Variants in AGAP1 observed in about 807,000 individuals in gnomAD.
The protein encoded by AGAP1 is ArfGAP with GTPase domain, ankyrin repeat and PH domain 1, also known as arf-GAP with GTPase, ANK repeat and PH domain-containing protein 1.
A neutral mutation model predicts 105.3 loss-of-function variants in AGAP1; 29 were observed. The observed-to-expected ratio is 0.28, with a 90% CI of 0.21 to 0.38. AGAP1 has a LOEUF of 0.38. Among genes scored for constraint, AGAP1 ranks in the 10% least tolerant of loss-of-function variants. The probability of loss-of-function intolerance (pLI) is 1.00; values close to 1 mark genes in which losing one functional copy is unlikely to be tolerated. For synonymous variants in AGAP1, 509 were observed against 485.9 expected (o/e 1.05, Z -0.63); for missense variants, 998 against 1,165.1 (o/e 0.86, Z 2.09).
At chr2:235,511,228 A>G (rs1180268936) in intron 1 of AGAP1, among the ~76,000 whole-genome samples, 1 of 150,686 alleles carries the variant, frequency 6.6e-6, no homozygotes, top group Non-Finnish European at 1.5e-5. Flanking sequence ...TGACCCCCTC[A>G]GCCTCTGATC....
chr2:236,076,953 C>T lies in AGAP1; in HGVS notation c.2114+27672C>T. Among the ~76,000 whole-genome samples the T allele has an allele frequency of 7.3e-6, 1 of 137,194 alleles. No individual in the cohort carries two copies. The highest frequency in any genetic ancestry group is 7.3e-5 in the Admixed American group (1 of 13,720). 90.0% of individuals were successfully genotyped at this position (137,194 alleles called of 152,430 possible). A position where few individuals can be genotyped will look rare whatever the true frequency, so the allele number is the denominator to read the frequency against. On this transcript the variant is annotated intron_variant, in intron 16 of 17. Transcript: ENST00000304032. The surrounding 1 kb of genome is among the most constrained non-coding windows in gnomAD (Gnocchi z 4.4). The stretch of plus-strand genomic sequence containing the variant: ...AAACCCTGTCACTACAGAAAATACC[C>T]AAAAAAAAAAAGCCAGGCATGGTGG...
intron 9 of AGAP1, among the ~76,000 whole-genome samples, chr2:235,849,258 G>T (rs182414550): frequency 1.6e-3 from 251 of 152,314 alleles, no homozygotes; most frequent in Non-Finnish European, 3.0e-3. Context: ...GGTCCAACTC[G>T]TGAAGGATTT....
In AGAP1 at chr2:235,611,065, G is replaced by A. The variant is rs930000305; in HGVS notation, c.164-98114G>A. ...CGCCTGCCTGCAACCCCATAGCCGA[G>A]TCAGCTCCCTGGATGGGCTAGTGTG... On this transcript the variant is annotated intron_variant, in intron 1 of 17. Transcript: ENST00000304032. This position sits in a 1 kb window ranked among gnomAD's most constrained non-coding sequence, Gnocchi z 5.0. Among the ~76,000 whole-genome samples the A allele has an allele frequency of 3.9e-5, 6 of 152,164 alleles. No homozygotes were observed. Among genetic ancestry groups the A allele is most frequent in the African/African-American group, 1.4e-4 (6 of 41,424 alleles).
chr2:235,988,772 A>G lies in AGAP1; in HGVS notation c.1645+20149A>G, dbSNP rs2055430258. The stretch of plus-strand genomic sequence containing the variant: ...TTGCACTTCAGAATCGGTGATGCGC[A>G]CTCATTCCCCTGCACCCACCCTTTT... On this transcript the variant is annotated intron_variant, in intron 13 of 17. Coordinates refer to ENST00000304032, the MANE Select transcript of AGAP1 (RefSeq NM_001037131.3). The surrounding 1 kb of genome is among the most constrained non-coding windows in gnomAD (Gnocchi z 4.7). 6.6e-6 allele frequency among the ~76,000 whole-genome samples: 1 copy of G among 152,062 alleles called. No individual in the cohort carries two copies. Among genetic ancestry groups the G allele is most frequent in the South Asian group, 2.1e-4 (1 of 4,810 alleles).
At position 235,711,142 on chromosome 2, in the gene AGAP1, C is replaced by T. The variant is rs768064762; in HGVS notation, c.222+1905C>T. Among the ~76,000 whole-genome samples, 12 of 152,354 alleles carry T rather than the reference C, an allele frequency of 7.9e-5. No homozygotes were observed. In the South Asian group the frequency reaches 1.9e-3, roughly 24 times the overall value. ...CTCCTGCGTCTGCACTGCCCAGTGC[C>T]GTCACGGCTGGCGCCATGTGGCTGT... On this transcript the variant is annotated intron_variant, in intron 2 of 17. Coordinates refer to ENST00000304032, the MANE Select transcript of AGAP1 (RefSeq NM_001037131.3).
In AGAP1 at chr2:236,027,624, C is replaced by G. The variant is rs1228402275; in HGVS notation, c.1646-8937C>G. ...CACAGCCTGCCTGGGAGAGGCCAGC[C>G]CAGGGTCAGCAGCGCCATTGCCTCT... is the stretch of plus-strand genomic sequence containing the variant. On this transcript the variant is annotated intron_variant, in intron 13 of 17. Coordinates refer to ENST00000304032, the MANE Select transcript of AGAP1 (RefSeq NM_001037131.3). This position sits in a 1 kb window ranked among gnomAD's most constrained non-coding sequence, Gnocchi z 4.4. Among the ~76,000 whole-genome samples, 1 of 152,116 alleles carries G rather than the reference C, an allele frequency of 6.6e-6. No individual in the cohort carries two copies. The highest frequency in any genetic ancestry group is 1.5e-5 in the Non-Finnish European group (1 of 68,020).
intron 1 of AGAP1, among the ~76,000 whole-genome samples, chr2:235,589,495 C>T (rs936777933): frequency 7.9e-5 from 12 of 152,224 alleles, no homozygotes; most frequent in African/African-American, 2.9e-4. Flanking sequence ...GCATGAGCCA[C>T]CGCGCCAGTG....
At position 235,512,623 on chromosome 2, in the gene AGAP1, A is replaced by G. The variant is rs139482429; in HGVS notation, c.163+17774A>G. Among the ~76,000 whole-genome samples the G allele has an allele frequency of 9.6e-4, 146 of 152,072 alleles. 2 individuals are homozygous for G. Among genetic ancestry groups the G allele is most frequent in the African/African-American group, 3.3e-3 (138 of 41,488 alleles). On this transcript the variant is annotated intron_variant, in intron 1 of 17. Coordinates refer to ENST00000304032, the MANE Select transcript of AGAP1 (RefSeq NM_001037131.3). ...AATCAGTCAATCAATCAATCAGTCA[A>G]TCCATGCGCGTCCTCCCCCATTCCT...
intron 9 of AGAP1, among the ~76,000 whole-genome samples, chr2:235,816,792 G>A (rs1414647937): frequency 6.6e-6 from 1 of 151,880 alleles, no homozygotes; most frequent in African/African-American, 2.4e-5. Context: ...CTGGGAAGCC[G>A]AGGCATGAGA....
intron 10 of AGAP1, among the ~76,000 whole-genome samples, chr2:235,894,633 G>GCACGTGTACACACACA (rs144532116): frequency 2.0e-5 from 3 of 147,042 alleles, no homozygotes; most frequent in East Asian, 1.9e-4. Context: ...ACATGCACAT[G>GCACGTGTACACACACA]TACACACACA....
intron 6 of AGAP1, among the ~76,000 whole-genome samples, chr2:235,776,629 C>A (rs909868571): frequency 6.6e-6 from 1 of 152,178 alleles, no homozygotes. Flanking sequence ...TGTGGCACCA[C>A]CTGTCCCAGT....
intron 3 of AGAP1, among the ~76,000 whole-genome samples, chr2:235,718,111 A>G (rs1488696828): frequency 6.6e-6 from 1 of 152,214 alleles, no homozygotes; most frequent in African/African-American, 2.4e-5. Context: ...ATAAACATTT[A>G]ATAATCATTT....
At chr2:235,680,093 T>C (rs930337272) in intron 1 of AGAP1, among the ~76,000 whole-genome samples, 4 of 152,186 alleles carry the variant, frequency 2.6e-5, no homozygotes, top group Non-Finnish European at 5.9e-5. Context: ...AAGTAACTAG[T>C]GAGAGGAACT....
rs1217260716 is a variant in AGAP1 at position 235,733,711 on chromosome 2, C to G, written c.311-7252C>G. Among the ~76,000 whole-genome samples the G allele has an allele frequency of 1.3e-5, 2 of 152,124 alleles. No individual in the cohort carries two copies. Among genetic ancestry groups the G allele is most frequent in the African/African-American group, 4.8e-5 (2 of 41,418 alleles). Reference sequence around the variant, plus strand: ...GCCCAAGGAAATCGTGTTAAGTGCTCACTTCACTGCGGGTCAGAACCCCGG... The same window carrying G: ...GCCCAAGGAAATCGTGTTAAGTGCTGACTTCACTGCGGGTCAGAACCCCGG... On this transcript the variant is annotated intron_variant, in intron 3 of 17. Coordinates refer to ENST00000304032, the MANE Select transcript of AGAP1 (RefSeq NM_001037131.3). The surrounding 1 kb of genome is among the most constrained non-coding windows in gnomAD (Gnocchi z 5.0).
In AGAP1 at chr2:235,882,411, G is replaced by T. The variant is rs775418465; in HGVS notation, c.1051-934G>T. On this transcript the variant is annotated intron_variant, in intron 9 of 17. Transcript: ENST00000304032. This position sits in a 1 kb window ranked among gnomAD's most constrained non-coding sequence, Gnocchi z 4.6. ...CCCAGTGGTCTCTTTGGTCGGCAGGGTGTTCTTCTCCTGCGTCTCCGTTTT... is the reference window on the plus strand; with the variant it reads ...CCCAGTGGTCTCTTTGGTCGGCAGGTTGTTCTTCTCCTGCGTCTCCGTTTT... 10 of 1,582,778 alleles carry T rather than the reference G, an allele frequency of 6.3e-6. No homozygotes were observed. The highest frequency in any genetic ancestry group is 2.3e-5 in the East Asian group (1 of 44,318).
intron 12 of AGAP1, among the ~76,000 whole-genome samples, chr2:235,954,036 C>T: frequency 6.6e-6 from 1 of 152,076 alleles, no homozygotes; most frequent in East Asian, 1.9e-4. Context: ...TTGAGACCAG[C>T]CTGACCAACA....
At chr2:235,827,695 G>A (rs184270324) in intron 9 of AGAP1, among the ~76,000 whole-genome samples, 16 of 152,290 alleles carry the variant, frequency 1.1e-4, no homozygotes, top group Middle Eastern at 3.4e-3. Flanking sequence ...CGGCTGAATC[G>A]TCACCGGCAT....
intron 1 of AGAP1, among the ~76,000 whole-genome samples, chr2:235,641,030 C>G (rs562691443): frequency 6.6e-6 from 1 of 152,154 alleles, no homozygotes; most frequent in African/African-American, 2.4e-5. Flanking sequence ...TTGTAATGAC[C>G]GGCCTAATAC....
In AGAP1 at chr2:235,608,717, G is replaced by C. The variant is rs866439806; in HGVS notation, c.164-100462G>C. On this transcript the variant is annotated intron_variant, in intron 1 of 17. Transcript: ENST00000304032. This position sits in a 1 kb window ranked among gnomAD's most constrained non-coding sequence, Gnocchi z 5.4. ...CTACTTGGCCTCCAACCAAAAAATT[G>C]TTCTTCTCCTTCCTTTTTTAGTAGG... is the stretch of plus-strand genomic sequence containing the variant. Among the ~76,000 whole-genome samples the C allele has an allele frequency of 1.1e-4, 16 of 152,158 alleles. No individual in the cohort carries two copies. Among genetic ancestry groups the C allele is most frequent in the African/African-American group, 3.9e-4 (16 of 41,438 alleles).
Sources: gnomAD v4.1 joint callset for allele counts (sites outside exome capture counted in the v4.1 genomes callset) on GRCh38, gnomAD v4.1.1 for gene constraint, Gnocchi (gnomAD v3.1) non-coding constraint, MANE v1.5 for transcripts, NCBI Gene and HGNC (gene_info 2026-07-23, HGNC 2026-07-21) for gene names.